The following PLD5 variants were observed in gnomAD, a reference collection of about 807,000 sequenced individuals.
PLD5 encodes the protein inactive phospholipase D5.
Under a neutral mutation model 61.1 loss-of-function variants are expected in PLD5, and 36 were observed. The ratio of observed to expected loss-of-function variants is 0.59; its 90% confidence interval spans 0.45 to 0.78. The LOEUF is 0.78. Ranked by LOEUF, PLD5 falls within the 30% of genes least tolerant of loss-of-function variation. The pLI is 0.00. For synonymous variants in PLD5, 243 were observed against 242.8 expected (o/e 1.00, Z -0.01); for missense variants, 515 against 644.4 (o/e 0.80, Z 2.17).
chr1:242,217,201 G>A (rs73138760), intron 5 of PLD5, among the ~76,000 whole-genome samples: 3,846 of 152,300 alleles, frequency 0.025, 178 homozygotes, highest in African/African-American at 0.087. Context: ...CAGGGATCAA[G>A]GAGTAATTTC....
At chr1:242,434,777 C>A (rs1000151790) in intron 1 of PLD5, among the ~76,000 whole-genome samples, 6 of 152,192 alleles carry the variant, frequency 3.9e-5, no homozygotes, top group African/African-American at 1.4e-4. Flanking sequence ...CCACACCCAG[C>A]TAATTTTTTG....
intron 7 of PLD5, among the ~76,000 whole-genome samples, chr1:242,111,526 T>G (rs1661500322): frequency 6.6e-6 from 1 of 152,168 alleles, no homozygotes; most frequent in Admixed American, 6.5e-5. Context: ...TGATTTTTTT[T>G]CTCTTTCATC....
chr1:242,267,266 C>T (rs1455940571), intron 3 of PLD5, among the ~76,000 whole-genome samples: 1 of 152,038 alleles, frequency 6.6e-6, no homozygotes, highest in Admixed American at 6.6e-5. Context: ...GAGAAAGAAG[C>T]TGCCAGTGCT....
chr1:242,360,256 C>G (rs1436961796), intron 1 of PLD5, among the ~76,000 whole-genome samples: 1 of 151,964 alleles, frequency 6.6e-6, no homozygotes, highest in Non-Finnish European at 1.5e-5. Flanking sequence ...ACATGTTCAT[C>G]CATCAAATTT....
intron 3 of PLD5, among the ~76,000 whole-genome samples, chr1:242,286,506 TG>T (rs1675033498): frequency 1.3e-5 from 2 of 152,154 alleles, no homozygotes; most frequent in Non-Finnish European, 1.5e-5. Context: ...GGGGCTGCCA[TG>T]GACCTGAATA....
intron 5 of PLD5, among the ~76,000 whole-genome samples, chr1:242,219,214 GC>G (rs1369913318): frequency 6.6e-6 from 1 of 152,200 alleles, no homozygotes; most frequent in African/African-American, 2.4e-5. Flanking sequence ...ACATAGTTGA[GC>G]ATAATAGAAA....
intron 4 of PLD5, among the ~76,000 whole-genome samples, chr1:242,241,744 TA>T (rs1672020619): frequency 6.8e-6 from 1 of 147,622 alleles, no homozygotes; most frequent in South Asian, 2.2e-4. Flanking sequence ...GCCAGCCCAC[TA>T]ATTTATTCAT....
chr1:242,511,584 T>C (rs566664038), intron 1 of PLD5, among the ~76,000 whole-genome samples: 49 of 88,040 alleles, frequency 5.6e-4, no homozygotes, highest in African/African-American at 2.7e-3. Context: ...CCCAGTCTAA[T>C]GATGAAAAAA....
chr1:242,257,017 ATCTATATCTACCTACCTACCT>A (rs1313526022), intron 4 of PLD5, among the ~76,000 whole-genome samples: 1 of 147,378 alleles, frequency 6.8e-6, no homozygotes, highest in Non-Finnish European at 1.5e-5. Context: ...TCTATCATCT[ATCTATATCTACCTACCTACCT>A]TCTATCTATC....
chr1:242,386,032 C>T (rs977317689), intron 1 of PLD5, among the ~76,000 whole-genome samples: 7 of 152,086 alleles, frequency 4.6e-5, no homozygotes. Context: ...ATTCCAGGAC[C>T]CTCTCCTTGG....
intron 5 of PLD5, among the ~76,000 whole-genome samples, chr1:242,202,643 C>T (rs1669054111): frequency 6.6e-6 from 1 of 152,132 alleles, no homozygotes; most frequent in African/African-American, 2.4e-5. Flanking sequence ...GATGTAAATC[C>T]TTTCTCCTGT....
At chr1:242,391,966 T>C (rs895545246) in intron 1 of PLD5, among the ~76,000 whole-genome samples, 1 of 152,216 alleles carries the variant, frequency 6.6e-6, no homozygotes, top group Non-Finnish European at 1.5e-5. Flanking sequence ...CTCATGTTCA[T>C]TGCAGCACCA....
In PLD5 at chr1:242,475,886, A is replaced by C. The variant is rs543622453; in HGVS notation, c.189+48202T>G. Among the ~76,000 whole-genome samples the C allele has an allele frequency of 9.2e-5, 14 of 152,294 alleles. No homozygotes were observed. The South Asian group carries it at 1.5e-3, about 16-fold the overall frequency. ...CGGGGAGGGTGGCCACCTGCCAGCC[A>C]TGGAGACAAGCCTGGAGCAGACCCT... is the stretch of plus-strand genomic sequence containing the variant. On this transcript the variant is annotated intron_variant, in intron 1 of 9. Coordinates refer to ENST00000536534, the MANE Select transcript of PLD5 (RefSeq NM_001372062.1).
chr1:242,237,417 C>A (rs1558381984), intron 4 of PLD5, among the ~76,000 whole-genome samples: 1 of 152,130 alleles, frequency 6.6e-6, no homozygotes, highest in Non-Finnish European at 1.5e-5. Context: ...TCCTTCAATA[C>A]CTGCTTTGTG....
chr1:242,335,058 T>G (rs968549242), intron 2 of PLD5, among the ~76,000 whole-genome samples: 1 of 151,874 alleles, frequency 6.6e-6, no homozygotes, highest in Non-Finnish European at 1.5e-5. Context: ...TCTACAGTTT[T>G]TATTTTATTT....
intron 1 of PLD5, among the ~76,000 whole-genome samples, chr1:242,394,072 ATATATATGAGTATATATATG>A (rs1246411152): frequency 2.1e-5 from 3 of 145,880 alleles, no homozygotes; most frequent in Non-Finnish European, 3.0e-5. Flanking sequence ...AAAAACATAT[ATATATATGAGTATATATATG>A]TATATATGTG....
intron 1 of PLD5, among the ~76,000 whole-genome samples, chr1:242,458,867 G>A (rs182948484): frequency 6.6e-6 from 1 of 152,252 alleles, no homozygotes; most frequent in African/African-American, 2.4e-5. Context: ...TTCTATCCAT[G>A]TTATTAACAA....
chr1:242,397,588 G>T (rs997697938), intron 1 of PLD5, among the ~76,000 whole-genome samples: 3 of 151,952 alleles, frequency 2.0e-5, no homozygotes, highest in African/African-American at 2.4e-5. Flanking sequence ...TGTTTCAATA[G>T]GGATAAGAGA....
At chr1:242,482,882 G>A (rs1407342991) in intron 1 of PLD5, among the ~76,000 whole-genome samples, 1 of 152,224 alleles carries the variant, frequency 6.6e-6, no homozygotes, top group African/African-American at 2.4e-5. Flanking sequence ...CTACAAGCCA[G>A]AAGAGAGTGG....
Sources: gnomAD v4.1 joint callset for allele counts (sites outside exome capture counted in the v4.1 genomes callset) on GRCh38, gnomAD v4.1.1 for gene constraint, MANE v1.5 for transcripts, NCBI Gene and HGNC (gene_info 2026-07-23, HGNC 2026-07-21) for gene names.